The following NPAS3 variants were observed in gnomAD, a reference collection of about 807,000 sequenced individuals.
The protein encoded by NPAS3 is neuronal PAS domain protein 3.
NPAS3 carries 14 observed loss-of-function variants against 73.1 expected under a neutral mutation model. That is an observed-to-expected ratio of 0.19 (90% CI 0.13 to 0.30). The LOEUF (loss-of-function observed/expected upper bound fraction) is 0.30. Among genes scored for constraint, NPAS3 ranks in the 10% least tolerant of loss-of-function variants. The pLI is 1.00. For synonymous variants in NPAS3, 620 were observed against 541.5 expected, an observed-to-expected ratio of 1.14 and a Z score of -2.01; for missense variants, 1,096 against 1,250.0, an observed-to-expected ratio of 0.88 and a Z score of 1.86.
At chr14:33,714,339 T>C (rs1024357789) in intron 6 of NPAS3, among the ~76,000 whole-genome samples, 1 of 152,042 alleles carries the variant, frequency 6.6e-6, no homozygotes, top group Non-Finnish European at 1.5e-5. Context: ...GTCACTCTCC[T>C]ACTGTAACTT....
At chr14:33,700,292 T>G (rs1042635207) in intron 6 of NPAS3, among the ~76,000 whole-genome samples, 1 of 152,210 alleles carries the variant, frequency 6.6e-6, no homozygotes, top group Non-Finnish European at 1.5e-5. Context: ...GATGCCACGA[T>G]GACAGGGCAA....
chr14:33,801,308 A>T, downstream of NPAS3: 1 of 1,140,126 alleles, frequency 8.8e-7, no homozygotes, highest in South Asian at 1.7e-5. Context: ...TTGCCTTCAG[A>T]GGGTCAGACG....
rs2041158071 is a variant in NPAS3, at chr14:33,062,903, T to C, written c.140+6909T>C. On this transcript the variant is annotated intron_variant, in intron 2 of 11. Coordinates refer to ENST00000356141, the Ensembl canonical transcript of NPAS3. ...TGTATTGAGTTTACAAATGTGTCTT[T>C]AGTGAATCTTTGGACTTAGTTTATG... Among the ~76,000 whole-genome samples, 4 of 152,258 alleles carry C rather than the reference T, an allele frequency of 2.6e-5. 1 individual carries two copies. In the South Asian group the frequency reaches 8.3e-4, roughly 32 times the overall value.
intron 3 of NPAS3, among the ~76,000 whole-genome samples, chr14:33,261,813 C>G (rs2048985750): frequency 6.6e-6 from 1 of 152,018 alleles, no homozygotes; most frequent in Non-Finnish European, 1.5e-5. Context: ...TCATTTTATC[C>G]TAAAGCAATG....
intron 5 of NPAS3, among the ~76,000 whole-genome samples, chr14:33,669,644 C>G (rs142317589): frequency 6.6e-5 from 10 of 152,276 alleles, no homozygotes; most frequent in Admixed American, 2.0e-4. Context: ...GTTTGTGGAC[C>G]TGTTTTATAC....
At chr14:33,389,152 G>A (rs1442419700) in intron 4 of NPAS3, among the ~76,000 whole-genome samples, 2 of 152,022 alleles carry the variant, frequency 1.3e-5, no homozygotes, top group African/African-American at 4.8e-5. Flanking sequence ...TTTCTAAGGA[G>A]GTAAATAACA....
chr14:33,667,751 G>A (rs1055234789), intron 5 of NPAS3, among the ~76,000 whole-genome samples: 20 of 152,064 alleles, frequency 1.3e-4, no homozygotes, highest in African/African-American at 4.3e-4. Context: ...GTGCACACAT[G>A]GTATTCGGGA....
intron 1 of NPAS3, among the ~76,000 whole-genome samples, chr14:33,029,415 A>G (rs1457600660): frequency 6.6e-6 from 1 of 152,188 alleles, no homozygotes; most frequent in Non-Finnish European, 1.5e-5. Flanking sequence ...AATCTGGAGA[A>G]GACTACTTGT....
intron 3 of NPAS3, among the ~76,000 whole-genome samples, chr14:33,301,071 T>G (rs60152698): frequency 0.028 from 4,315 of 151,766 alleles, 163 homozygotes; most frequent in African/African-American, 0.09. Context: ...CTCCTCATGT[T>G]TTTTCTCAGT....
chr14:33,394,616 A>C (rs890315206), intron 4 of NPAS3, among the ~76,000 whole-genome samples: 3 of 152,116 alleles, frequency 2.0e-5, no homozygotes, highest in African/African-American at 7.2e-5. Context: ...TCAATGAATT[A>C]TTTTCATGTT....
At chr14:33,580,678 T>C (rs2056629640) in intron 5 of NPAS3, among the ~76,000 whole-genome samples, 1 of 152,286 alleles carries the variant, frequency 6.6e-6, no homozygotes, top group South Asian at 2.1e-4. Context: ...CTCAGCTCAC[T>C]CTAAGTTTTC....
chr14:33,216,070 C>T (rs1408232732), intron 3 of NPAS3, among the ~76,000 whole-genome samples: 1 of 152,014 alleles, frequency 6.6e-6, no homozygotes, highest in Admixed American at 6.5e-5. Flanking sequence ...CCTGAAATTC[C>T]TAATAATTTA....
At chr14:33,071,082 C>G (rs1396080981) in intron 2 of NPAS3, among the ~76,000 whole-genome samples, 4 of 152,066 alleles carry the variant, frequency 2.6e-5, no homozygotes, top group African/African-American at 9.7e-5. Flanking sequence ...TACAACTTAC[C>G]CCCATGACAC....
intron 2 of NPAS3, among the ~76,000 whole-genome samples, chr14:33,070,556 A>G (rs2383436): frequency 0.53 from 80,755 of 152,048 alleles, 22,951 homozygotes; most frequent in African/African-American, 0.75. Context: ...TAACAGGTAA[A>G]TATTGAACAG....
At chr14:33,176,211 A>G (rs764372521) in intron 2 of NPAS3, among the ~76,000 whole-genome samples, 1 of 152,220 alleles carries the variant, frequency 6.6e-6, no homozygotes, top group Non-Finnish European at 1.5e-5. Context: ...AATAATTTTT[A>G]TTGTGGTAAA....
chr14:33,215,130 G>A, intron 2 of NPAS3, 52 bp from the exon 3 acceptor site: 1 of 1,566,492 alleles, frequency 6.4e-7, no homozygotes, highest in East Asian at 2.2e-5. Context: ...GTATTTGAAT[G>A]ATGACAGAGT....
At chr14:33,643,700 A>C (rs1232132268) in intron 5 of NPAS3, among the ~76,000 whole-genome samples, 1 of 152,186 alleles carries the variant, frequency 6.6e-6, no homozygotes, top group South Asian at 2.1e-4. Flanking sequence ...AGATGATCTA[A>C]AGGGGCTTTG....
chr14:33,170,339 A>T (rs2045343748), intron 2 of NPAS3, among the ~76,000 whole-genome samples: 1 of 152,238 alleles, frequency 6.6e-6, no homozygotes, highest in South Asian at 2.1e-4. Context: ...GTGAACAATC[A>T]TCTGAACTTT....
At chr14:33,320,340 G>T (rs931721541) in intron 3 of NPAS3, among the ~76,000 whole-genome samples, 4 of 152,112 alleles carry the variant, frequency 2.6e-5, no homozygotes, top group Non-Finnish European at 4.4e-5. Context: ...TTTGGGGGAA[G>T]ATCAGGGTTG....
Sources: allele counts gnomAD v4.1 joint callset (sites outside exome capture counted in the v4.1 genomes callset), GRCh38; gene constraint gnomAD v4.1.1; transcripts MANE v1.5; gene names NCBI Gene and HGNC (gene_info 2026-07-23, HGNC 2026-07-21).